ZNF804B: variants seen among roughly 807,000 people sequenced by gnomAD.
ZNF804B encodes zinc finger protein 804B, also known as zinc finger 804B.
A neutral mutation model predicts 101.4 loss-of-function variants in ZNF804B; 80 were observed. The ratio of observed to expected loss-of-function variants is 0.79; its 90% CI spans 0.66 to 0.95. ZNF804B has a LOEUF of 0.95. Among genes scored for constraint, ZNF804B ranks in the 40% least tolerant of loss-of-function variants. The pLI is 0.00. For missense variants in ZNF804B, 1,673 were observed against 1,561.9 expected (o/e 1.07, Z -1.20); for synonymous variants, 622 against 558.8 (o/e 1.11, Z -1.59).
intron 2 of ZNF804B, among the ~76,000 whole-genome samples, chr7:89,321,218 C>T (rs932382193): frequency 4.6e-5 from 7 of 152,220 alleles, no homozygotes; most frequent in East Asian, 1.9e-4. Flanking sequence ...CGTTGGCTCA[C>T]GCCTGTAATC....
At chr7:88,999,424 T>G (rs1788251677) in intron 1 of ZNF804B, among the ~76,000 whole-genome samples, 2 of 152,036 alleles carry the variant, frequency 1.3e-5, no homozygotes, top group South Asian at 4.1e-4. Context: ...ACTGGACTTA[T>G]GCACTGGACT....
At chr7:88,810,853 G>T (rs1001130644) in intron 1 of ZNF804B, among the ~76,000 whole-genome samples, 2 of 151,930 alleles carry the variant, frequency 1.3e-5, no homozygotes, top group African/African-American at 4.8e-5. Context: ...TTGAATCTTA[G>T]CTAATTCATT....
At chr7:88,950,136 T>A (rs1793195804) in intron 1 of ZNF804B, among the ~76,000 whole-genome samples, 2 of 151,966 alleles carry the variant, frequency 1.3e-5, no homozygotes, top group South Asian at 2.1e-4. Flanking sequence ...TGGACAATCA[T>A]GTCATAAGTG....
intron 2 of ZNF804B, among the ~76,000 whole-genome samples, chr7:89,280,500 A>G (rs891253216): frequency 2.9e-4 from 44 of 152,324 alleles, no homozygotes; most frequent in African/African-American, 9.6e-4. Flanking sequence ...AACAAAATTG[A>G]TAGACCGCTA....
intron 1 of ZNF804B, among the ~76,000 whole-genome samples, chr7:88,982,503 G>A (rs1432959494): frequency 6.6e-6 from 1 of 152,040 alleles, no homozygotes; most frequent in Non-Finnish European, 1.5e-5. Context: ...TTTTAATGGG[G>A]CCTCTCTCTT....
intron 1 of ZNF804B, among the ~76,000 whole-genome samples, chr7:88,979,440 C>A (rs1231221577): frequency 2.0e-5 from 3 of 151,822 alleles, no homozygotes; most frequent in South Asian, 4.1e-4. Flanking sequence ...AAGGACAATT[C>A]ACTGGATATA....
intron 1 of ZNF804B, among the ~76,000 whole-genome samples, chr7:88,848,528 C>A (rs1791407707): frequency 6.6e-6 from 1 of 151,644 alleles, no homozygotes; most frequent in African/African-American, 2.4e-5. Flanking sequence ...GGGAAGAAAC[C>A]TTTTTGCAGA....
intron 1 of ZNF804B, among the ~76,000 whole-genome samples, chr7:89,060,216 C>G (rs894555923): frequency 1.3e-5 from 2 of 152,102 alleles, no homozygotes; most frequent in African/African-American, 4.8e-5. Context: ...AATAAGTCCA[C>G]TATATCTATA....
intron 1 of ZNF804B, among the ~76,000 whole-genome samples, chr7:89,141,785 T>G (rs562200543): frequency 1.3e-5 from 2 of 151,966 alleles, no homozygotes; most frequent in South Asian, 4.1e-4. Flanking sequence ...TATGGGAGAT[T>G]TGTAAGTATA....
intron 1 of ZNF804B, among the ~76,000 whole-genome samples, chr7:88,973,601 G>A (rs1418147929): frequency 1.3e-5 from 2 of 150,950 alleles, no homozygotes; most frequent in Non-Finnish European, 3.0e-5. Flanking sequence ...ACAAGACATA[G>A]ATATGCCATT....
chr7:89,116,974 AT>A (rs1310660467), intron 1 of ZNF804B, among the ~76,000 whole-genome samples: 1 of 152,184 alleles, frequency 6.6e-6, no homozygotes, highest in Non-Finnish European at 1.5e-5. Context: ...TCACATGTAT[AT>A]TTATAAGAGG....
intron 1 of ZNF804B, among the ~76,000 whole-genome samples, chr7:88,822,282 A>G (rs530028609): frequency 7.2e-5 from 11 of 152,288 alleles, no homozygotes; most frequent in African/African-American, 2.4e-4. Flanking sequence ...TATGGGAACT[A>G]AAAACATGGA....
chr7:89,336,477 C>G lies in ZNF804B; in HGVS notation c.3495C>G (p.Ala1165=). The part of the protein sequence containing the change: ...IDKYKILQLQ[A]QQHMQKQLLS... ...AATATAAGATCCTACAGCTACAAGCCCAGCAGCATATGCAGAAGCAACTCC... is the reference window on the plus strand; with the variant it reads ...AATATAAGATCCTACAGCTACAAGCGCAGCAGCATATGCAGAAGCAACTCC... Residue 1165 remains alanine, a synonymous_variant, in exon 4 of 4, where the codon GCC becomes GCG. Transcript: ENST00000333190. 6.2e-7 allele frequency: 1 copy of G among 1,614,042 alleles called. No individual in the cohort carries two copies. Among genetic ancestry groups the G allele is most frequent in the Non-Finnish European group, 8.5e-7 (1 of 1,180,006 alleles).
chr7:89,091,910 T>C (rs1001777810), intron 1 of ZNF804B, among the ~76,000 whole-genome samples: 1 of 152,216 alleles, frequency 6.6e-6, no homozygotes, highest in African/African-American at 2.4e-5. Context: ...AGGGGAATTC[T>C]TATGCACAGT....
rs1330532367 is a variant in ZNF804B at position 89,334,697 on chromosome 7, A to T, written c.1715A>T (p.Asp572Val). 1.2e-6 allele frequency: 2 copies of T among 1,613,724 alleles called. No individual in the cohort carries two copies. Among genetic ancestry groups the T allele is most frequent in the African/African-American group, 1.3e-5 (1 of 75,014 alleles). Residue 572 changes from aspartate to valine, a missense_variant, in exon 4 of 4, where the codon GAT becomes GTT. Physicochemically the swap from Asp to Val is radical, Grantham distance 152. Transcript: ENST00000333190. ...NKSEYTFSAN[D>V]LEMKNPKVPL... is the part of the protein sequence containing the mutation. ...AGTGAATATACTTTCAGTGCAAATGATTTGGAAATGAAAAATCCTAAAGTG... is the reference window on the plus strand; with the variant it reads ...AGTGAATATACTTTCAGTGCAAATGTTTTGGAAATGAAAAATCCTAAAGTG...
intron 2 of ZNF804B, among the ~76,000 whole-genome samples, chr7:89,303,142 T>G (rs1336663048): frequency 6.6e-6 from 1 of 151,794 alleles, no homozygotes; most frequent in Non-Finnish European, 1.5e-5. Flanking sequence ...GAGATCTTCT[T>G]CTAGTAAATA....
intron 1 of ZNF804B, among the ~76,000 whole-genome samples, chr7:89,168,682 CTTTTTTTTTTTT>C (rs372503661): frequency 0.015 from 1,717 of 115,794 alleles, 45 homozygotes; most frequent in African/African-American, 0.053. Context: ...GAGCTGAATA[CTTTTTTTTTTTT>C]TTTTTTTTTT....
At chr7:89,246,399 C>T (rs1254220922) in intron 2 of ZNF804B, among the ~76,000 whole-genome samples, 1 of 151,730 alleles carries the variant, frequency 6.6e-6, no homozygotes, top group South Asian at 2.1e-4. Context: ...TTTGGAACAC[C>T]TGCTTGCCTG....
intron 1 of ZNF804B, among the ~76,000 whole-genome samples, chr7:88,774,112 C>A (rs922211570): frequency 6.6e-6 from 1 of 151,866 alleles, no homozygotes. Flanking sequence ...ATGCACAAAG[C>A]ACTTAGGTCA....
Sources: gnomAD v4.1 joint callset for allele counts (sites outside exome capture counted in the v4.1 genomes callset) on GRCh38, gnomAD v4.1.1 for gene constraint, MANE v1.5 for transcripts, NCBI Gene and HGNC (gene_info 2026-07-23, HGNC 2026-07-21) for gene names.